Variants in SYNPR observed in about 807,000 individuals in gnomAD.
The protein encoded by SYNPR is synaptoporin.
Under a neutral mutation model 32.9 loss-of-function variants are expected in SYNPR, and 23 were observed. That is an observed-to-expected ratio of 0.70 (90% CI 0.50 to 0.99). SYNPR has a LOEUF of 0.99. Ranked by LOEUF, SYNPR falls within the 50% of genes least tolerant of loss-of-function variation. The pLI is 0.00. For synonymous variants in SYNPR, 146 were observed against 135.9 expected (o/e 1.07, Z -0.52); for missense variants, 318 against 349.3 (o/e 0.91, Z 0.71).
intron 2 of SYNPR, among the ~76,000 whole-genome samples, chr3:63,308,290 A>G (rs1394256011): frequency 6.6e-6 from 1 of 152,048 alleles, no homozygotes; most frequent in African/African-American, 2.4e-5. Flanking sequence ...TCAAACATAC[A>G]GCGGATATTC....
At chr3:63,532,537 T>C (rs986403166) in intron 3 of SYNPR, among the ~76,000 whole-genome samples, 17 of 152,202 alleles carry the variant, frequency 1.1e-4, no homozygotes, top group Non-Finnish European at 1.5e-4. Context: ...TGAGTATCTG[T>C]TTTCGAGGCA....
At chr3:63,396,952 A>T (rs2088222733) in intron 2 of SYNPR, among the ~76,000 whole-genome samples, 1 of 152,044 alleles carries the variant, frequency 6.6e-6, no homozygotes, top group African/African-American at 2.4e-5. Flanking sequence ...AAAATACAAA[A>T]TATTAGCCAG....
At chr3:63,603,545 T>G (rs1021992962) in intron 4 of SYNPR, among the ~76,000 whole-genome samples, 1 of 152,212 alleles carries the variant, frequency 6.6e-6, no homozygotes, top group African/African-American at 2.4e-5. Flanking sequence ...TGAGGGTTCT[T>G]AACATGAAGG....
At chr3:63,402,406 A>G (rs554547186) in intron 2 of SYNPR, among the ~76,000 whole-genome samples, 234 of 152,330 alleles carry the variant, frequency 1.5e-3, no homozygotes, top group Non-Finnish European at 2.4e-3. Flanking sequence ...GAGGATAGAA[A>G]TTCAATATGA....
chr3:63,331,149 G>GCATT (rs1175947075), intron 2 of SYNPR, among the ~76,000 whole-genome samples: 1 of 152,102 alleles, frequency 6.6e-6, no homozygotes. Context: ...ATTGATCATT[G>GCATT]CATTATGTGT....
chr3:63,281,664 A>G (rs2086631220), intron 2 of SYNPR, among the ~76,000 whole-genome samples: 1 of 152,138 alleles, frequency 6.6e-6, no homozygotes, highest in Non-Finnish European at 1.5e-5. Context: ...TTATGAGCTA[A>G]TCACCTCCCA....
At chr3:63,443,780 C>A (rs961637818) in intron 2 of SYNPR, among the ~76,000 whole-genome samples, 16 of 152,156 alleles carry the variant, frequency 1.1e-4, no homozygotes, top group African/African-American at 3.6e-4. Context: ...TTCTACCCTA[C>A]CCCTCCTTCC....
chr3:63,605,915 C>A (rs1700111777), intron 4 of SYNPR, among the ~76,000 whole-genome samples: 1 of 152,164 alleles, frequency 6.6e-6, no homozygotes. Flanking sequence ...TGTTCCCGCT[C>A]CATAGCCTTA....
intron 3 of SYNPR, among the ~76,000 whole-genome samples, chr3:63,512,940 A>AGCTTGGAAAGTCCTTGGAAAGCTTGG (rs1701726195): frequency 6.6e-6 from 1 of 152,132 alleles, no homozygotes; most frequent in Admixed American, 6.6e-5. Context: ...CTTCTTGGTT[A>AGCTTGGAAAGTCCTTGGAAAGCTTGG]GTTTTCAACC....
chr3:63,532,485 T>C (rs952077974), intron 3 of SYNPR, among the ~76,000 whole-genome samples: 9 of 152,214 alleles, frequency 5.9e-5, no homozygotes, highest in African/African-American at 1.9e-4. Context: ...CTGCACTGTG[T>C]GGGCAGGAGA....
chr3:63,345,081 T>G (rs2087420283), intron 2 of SYNPR, among the ~76,000 whole-genome samples: 1 of 152,226 alleles, frequency 6.6e-6, no homozygotes, highest in Admixed American at 6.5e-5. Flanking sequence ...ATTACAAATC[T>G]TGTGACCACC....
intron 2 of SYNPR, among the ~76,000 whole-genome samples, chr3:63,297,423 G>T (rs1352548485): frequency 6.6e-6 from 1 of 151,956 alleles, no homozygotes; most frequent in Non-Finnish European, 1.5e-5. Flanking sequence ...TTTTTTATTT[G>T]TCTCTGATAG....
chr3:63,206,892 A>G, the SYNPR span, among the ~76,000 whole-genome samples: 1 of 152,198 alleles, frequency 6.6e-6, no homozygotes, highest in Non-Finnish European at 1.5e-5. Context: ...GGTTATGAGA[A>G]TCTGGGGCTG....
intron 3 of SYNPR, among the ~76,000 whole-genome samples, chr3:63,272,322 A>C (rs1404911229): frequency 6.6e-6 from 1 of 152,186 alleles, no homozygotes; most frequent in Non-Finnish European, 1.5e-5. Flanking sequence ...TCATACAACT[A>C]GGAAATGATA....
intron 1 of SYNPR, among the ~76,000 whole-genome samples, chr3:63,252,315 A>C (rs573242552): frequency 1.3e-5 from 2 of 152,188 alleles, no homozygotes; most frequent in African/African-American, 4.8e-5. Context: ...TTTATAATAC[A>C]TAATAAAATA....
At chr3:63,565,084 A>C (rs1255295399) in intron 4 of SYNPR, among the ~76,000 whole-genome samples, 1 of 152,146 alleles carries the variant, frequency 6.6e-6, no homozygotes. Flanking sequence ...TCTTTCCTAT[A>C]TGTTTTCTTT....
At chr3:63,370,827 T>C (rs373268709) in intron 2 of SYNPR, among the ~76,000 whole-genome samples, 1 of 152,188 alleles carries the variant, frequency 6.6e-6, no homozygotes, top group African/African-American at 2.4e-5. Flanking sequence ...TGTAAAAATT[T>C]AGAGTACTGA....
chr3:63,340,915 ACT>A (rs1414660853), intron 2 of SYNPR, among the ~76,000 whole-genome samples: 7 of 151,960 alleles, frequency 4.6e-5, no homozygotes, highest in Admixed American at 4.6e-4. Flanking sequence ...ATTAGGGTTT[ACT>A]CTTTGTGTTG....
chr3:63,258,361 G>A (rs1251464474), intron 2 of SYNPR, among the ~76,000 whole-genome samples: 6 of 152,008 alleles, frequency 3.9e-5, no homozygotes, highest in African/African-American at 9.7e-5. Context: ...CAGAAATTAT[G>A]ACAAACTGTC....
Sources: allele counts gnomAD v4.1 joint callset (sites outside exome capture counted in the v4.1 genomes callset), GRCh38; gene constraint gnomAD v4.1.1; transcripts MANE v1.5; gene names NCBI Gene and HGNC (gene_info 2026-07-23, HGNC 2026-07-21).